SYNJ2: variants seen among roughly 807,000 people sequenced by gnomAD.
SYNJ2 encodes the protein polyphosphatidylinositol phosphatase SYNJ2.
A neutral mutation model predicts 141.3 loss-of-function variants in SYNJ2; 116 were observed. The ratio of observed to expected loss-of-function variants is 0.82; its 90% CI spans 0.71 to 0.96. The LOEUF (loss-of-function observed/expected upper bound fraction) is 0.96, where lower values mean the gene tolerates loss of function less well. SYNJ2 is among the 40% of genes least tolerant of loss of function. SYNJ2 has a pLI of 0.00. For missense variants in SYNJ2, 1,873 were observed against 1,934.8 expected (o/e 0.97, Z 0.60); for synonymous variants, 745 against 777.7 (o/e 0.96, Z 0.70).
Position 158,084,271 on chromosome 6 carries a change from A to C in SYNJ2, c.3208+97A>C, listed in dbSNP as rs1782898103. On this transcript the variant is annotated intron_variant, in intron 22 of 26. Transcript: ENST00000355585. The surrounding 1 kb of genome is among the most constrained non-coding windows in gnomAD (Gnocchi z 5.0). ...TGGCGATTGGGCACTGTGTGATATC[A>C]AGTATGCAGGTCCCAGGAGAGACCT... is the stretch of plus-strand genomic sequence containing the variant. The C allele has an allele frequency of 1.3e-5, 18 of 1,380,710 alleles. No homozygotes were observed. The highest frequency in any genetic ancestry group is 2.7e-5 in the South Asian group (2 of 74,978). The allele number at this position is 1,380,710 out of a possible 1,614,324, so 85.5% of individuals were successfully genotyped here.
chr6:158,071,817 C>A lies in SYNJ2; in HGVS notation c.2133+23C>A. On this transcript the variant is annotated intron_variant, in intron 15 of 26. Coordinates refer to ENST00000355585, the MANE Select transcript of SYNJ2 (RefSeq NM_003898.4). This position sits in a 1 kb window ranked among gnomAD's most constrained non-coding sequence, Gnocchi z 4.3. ...ATGGTGAGCGGCGCCGTGGGGACAG[C>A]CAGCACCTCCCTGCTCAGCTCAGTC... 6.2e-7 allele frequency: 1 copy of A among 1,607,010 alleles called. No homozygotes were observed. The highest frequency in any genetic ancestry group is 8.5e-7 in the Non-Finnish European group (1 of 1,177,748).
At chr6:158,017,429 TCC>T in intron 2 of SYNJ2, 139 bp downstream of exon 2, 1 of 1,070,482 alleles carries the variant, frequency 9.3e-7, no homozygotes, top group Non-Finnish European at 1.2e-6. Context: ...TTTTTTTTTC[TCC>T]GAGATAGAGT....
chr6:157,987,319 CA>C, intron 1 of SYNJ2, among the ~76,000 whole-genome samples: 1 of 151,958 alleles, frequency 6.6e-6, no homozygotes, highest in Non-Finnish European at 1.5e-5. Context: ...TTATGGGGTA[CA>C]AAGTGATCAT....
At chr6:158,091,583 C>T (rs977982418) in intron 25 of SYNJ2, among the ~76,000 whole-genome samples, 2 of 151,438 alleles carry the variant, frequency 1.3e-5, no homozygotes, top group African/African-American at 4.9e-5. Context: ...TCCATCTCTA[C>T]TAAAAATACA....
intron 1 of SYNJ2, among the ~76,000 whole-genome samples, chr6:158,004,417 T>C (rs1357880873): frequency 6.6e-6 from 1 of 152,170 alleles, no homozygotes; most frequent in Non-Finnish European, 1.5e-5. Flanking sequence ...TATAATGTAT[T>C]AGCATGCTAA....
At chr6:158,029,123 C>A in intron 3 of SYNJ2, 97 bp downstream of exon 3, 4 of 1,328,180 alleles carry the variant, frequency 3.0e-6, no homozygotes, top group Non-Finnish European at 3.9e-6. Context: ...ACTTGCACCA[C>A]CCCCGGGTTA....
At chr6:158,030,069 A>G (rs1418995944) in intron 3 of SYNJ2, among the ~76,000 whole-genome samples, 1 of 152,212 alleles carries the variant, frequency 6.6e-6, no homozygotes, top group Non-Finnish European at 1.5e-5. Flanking sequence ...GAGCCCAGGC[A>G]GAGGCGGCTG....
At position 157,982,546 on chromosome 6, in the gene SYNJ2, C is replaced by T. The variant is rs751388082; in HGVS notation, c.127+458C>T. On this transcript the variant is annotated intron_variant, in intron 1 of 26. Coordinates refer to ENST00000355585, the MANE Select transcript of SYNJ2 (RefSeq NM_003898.4). The surrounding 1 kb of genome is among the most constrained non-coding windows in gnomAD (Gnocchi z 4.0). ...CCCCAAAACATAGGCTCTGGAGAAA[C>T]CGCTGATGGCAGCTTTGTCCCACGT... Among the ~76,000 whole-genome samples, 11 of 152,224 alleles carry T rather than the reference C, an allele frequency of 7.2e-5. No homozygotes were observed. Among genetic ancestry groups the T allele is most frequent in the African/African-American group, 1.2e-4 (5 of 41,464 alleles).
At chr6:158,028,509 G>A in intron 2 of SYNJ2, 2 of 559,648 alleles carry the variant, frequency 3.6e-6, no homozygotes, top group Non-Finnish European at 6.3e-6. Context: ...GAATCTGCAT[G>A]TCTAACAGGC....
intron 18 of SYNJ2, 62 bp downstream of exon 18, chr6:158,078,343 GCA>G (rs1439209690): frequency 1.9e-6 from 2 of 1,070,632 alleles, no homozygotes; most frequent in Non-Finnish European, 2.9e-6. Flanking sequence ...CTCCCTCTCC[GCA>G]GGAAAATGCA....
chr6:158,018,915 A>G (rs1296133232), intron 2 of SYNJ2, among the ~76,000 whole-genome samples: 1 of 152,202 alleles, frequency 6.6e-6, no homozygotes, highest in Non-Finnish European at 1.5e-5. Flanking sequence ...ATCTTCCTGA[A>G]GTTGCAGGAA....
At position 158,033,660 on chromosome 6, in the gene SYNJ2, A is replaced by G. The variant is rs1332192735; in HGVS notation, c.691A>G (p.Asn231Asp). Residue 231 changes from asparagine to aspartate, a missense_variant, in exon 4 of 27, where the codon AAC becomes GAC. By Grantham distance (23) the Asn-to-Asp change is conservative. Coordinates refer to ENST00000355585, the MANE Select transcript of SYNJ2 (RefSeq NM_003898.4). The part of the protein sequence containing the change: ...RGVNDDGHVS[N>D]FVETEQMIYM... ...CGTGAACGACGACGGCCATGTGTCC[A>G]ACTTCGTGGAGACAGAGCAGGTGAG... 6.2e-7 allele frequency: 1 copy of G among 1,610,524 alleles called. No individual in the cohort carries two copies. The highest frequency in any genetic ancestry group is 1.1e-5 in the South Asian group (1 of 91,042).
intron 1 of SYNJ2, among the ~76,000 whole-genome samples, chr6:158,013,368 G>A (rs902402723): frequency 3.3e-5 from 5 of 152,018 alleles, no homozygotes; most frequent in African/African-American, 9.7e-5. Flanking sequence ...GCAACACAGC[G>A]AGACTGTCAA....
chr6:157,989,661 G>A (rs1237926870), intron 1 of SYNJ2, among the ~76,000 whole-genome samples: 1 of 151,764 alleles, frequency 6.6e-6, no homozygotes, highest in Non-Finnish European at 1.5e-5. Flanking sequence ...GCAGAGCTGA[G>A]CCTCCACACG....
At chr6:158,044,788 C>T (rs1019817983) in intron 5 of SYNJ2, among the ~76,000 whole-genome samples, 2 of 152,144 alleles carry the variant, frequency 1.3e-5, no homozygotes, top group African/African-American at 4.8e-5. Context: ...CATGCCAACT[C>T]GACTGTTCAT....
Position 158,096,145 on chromosome 6 carries a change from G to A in SYNJ2, c.4272G>A (p.Leu1424=). 2 of 1,614,248 alleles carry A rather than the reference G, an allele frequency of 1.2e-6. No homozygotes were observed. Among genetic ancestry groups the A allele is most frequent in the Non-Finnish European group, 1.7e-6 (2 of 1,180,048 alleles). Residue 1424 remains leucine (L), a synonymous_variant, in exon 27 of 27, where the codon CTG becomes CTA. Transcript: ENST00000355585. The stretch of plus-strand genomic sequence containing the variant: ...GGAACCTTCTTCACCACCCTAAACT[G>A]TTGAATAACACTTGGCTTTCTAAGA... ...PFWNLLHHPK[L]LNNTWLSKSS...
At chr6:158,024,596 A>AT (rs1205420718) in intron 2 of SYNJ2, among the ~76,000 whole-genome samples, 2 of 152,228 alleles carry the variant, frequency 1.3e-5, no homozygotes, top group Non-Finnish European at 1.5e-5. Context: ...TTTACATTGT[A>AT]TTGTTTACAT....
chr6:158,063,590 C>G (rs908507172), intron 8 of SYNJ2, among the ~76,000 whole-genome samples: 18 of 127,012 alleles, frequency 1.4e-4, no homozygotes, highest in Admixed American at 2.9e-4. Flanking sequence ...ACCTGGGAGG[C>G]GGAGGTTGCA....
chr6:157,990,345 C>T (rs1384051256), intron 1 of SYNJ2, among the ~76,000 whole-genome samples: 2 of 152,200 alleles, frequency 1.3e-5, no homozygotes, highest in Non-Finnish European at 2.9e-5. Context: ...TCTCCTTCTC[C>T]TTGGCGTGCC....
Sources: allele counts gnomAD v4.1 joint callset (sites outside exome capture counted in the v4.1 genomes callset), GRCh38; gene constraint gnomAD v4.1.1; non-coding constraint Gnocchi (gnomAD v3.1); transcripts MANE v1.5; gene names NCBI Gene and HGNC (gene_info 2026-07-23, HGNC 2026-07-21).